The following FOXN3 variants were observed in gnomAD, a reference collection of about 807,000 sequenced individuals.
The protein encoded by FOXN3 is forkhead box N3.
A neutral mutation model predicts 38.4 loss-of-function variants in FOXN3; 7 were observed. The ratio of observed to expected loss-of-function variants is 0.18; its 90% CI spans 0.10 to 0.34. The LOEUF is 0.34. Ranked by LOEUF, FOXN3 falls within the 10% of genes least tolerant of loss-of-function variation. The pLI is 1.00. For synonymous variants in FOXN3, 230 were observed against 242.2 expected (o/e 0.95, Z 0.47); for missense variants, 456 against 613.4 (o/e 0.74, Z 2.71).
At chr14:89,524,000 A>G (rs1940883827) in intron 1 of FOXN3, among the ~76,000 whole-genome samples, 1 of 151,010 alleles carries the variant, frequency 6.6e-6, no homozygotes, top group Non-Finnish European at 1.5e-5. Flanking sequence ...TGACCTCGTG[A>G]TCCACCCACC....
At chr14:89,499,858 G>A (rs1021393721) in intron 1 of FOXN3, among the ~76,000 whole-genome samples, 5 of 152,150 alleles carry the variant, frequency 3.3e-5, no homozygotes, top group South Asian at 2.1e-4. Context: ...CAGCCTCCAC[G>A]GAAGGGGAGT....
chr14:89,313,271 G>A lies in FOXN3; in HGVS notation c.681-32257C>T, dbSNP rs1367757825. On this transcript the variant is annotated intron_variant, in intron 3 of 5. Coordinates refer to ENST00000557258, the MANE Select transcript of FOXN3 (RefSeq NM_005197.4). ...AAAAAAGAGTACTGTGTATCCATAT[G>A]AACTGACAAGACTGCCGGGCGCAGC... is the stretch of plus-strand genomic sequence containing the variant. 2.0e-5 allele frequency among the ~76,000 whole-genome samples: 3 copies of A among 152,174 alleles called. No individual in the cohort carries two copies. In the East Asian group the frequency reaches 5.8e-4, roughly 29 times the overall value.
At chr14:89,530,588 A>G (rs1263859326) in intron 1 of FOXN3, among the ~76,000 whole-genome samples, 1 of 152,046 alleles carries the variant, frequency 6.6e-6, no homozygotes, top group Non-Finnish European at 1.5e-5. Context: ...CCCTCTCTCC[A>G]TATGTATATA....
chr14:89,454,549 A>G (rs976914292), intron 1 of FOXN3, among the ~76,000 whole-genome samples: 50 of 151,282 alleles, frequency 3.3e-4, no homozygotes, highest in African/African-American at 1.2e-3. Context: ...CATTTGTAAC[A>G]GAGAAAAACT....
intron 3 of FOXN3, among the ~76,000 whole-genome samples, chr14:89,286,408 G>T (rs892851552): frequency 2.6e-5 from 4 of 152,158 alleles, no homozygotes; most frequent in African/African-American, 7.2e-5. Context: ...GGAAAAAGTG[G>T]GTGTAGCAAG....
intron 1 of FOXN3, among the ~76,000 whole-genome samples, chr14:89,454,885 C>T (rs1160966507): frequency 6.6e-6 from 1 of 152,214 alleles, no homozygotes; most frequent in Non-Finnish European, 1.5e-5. Flanking sequence ...ATCCTTATCT[C>T]ACCCTGGAGA....
chr14:89,288,812 T>A (rs950310758), intron 3 of FOXN3, among the ~76,000 whole-genome samples: 21 of 145,532 alleles, frequency 1.4e-4, no homozygotes, highest in Non-Finnish European at 3.0e-4. Context: ...ATTCATTAAA[T>A]GTCATCCAAG....
intron 1 of FOXN3, among the ~76,000 whole-genome samples, chr14:89,608,718 T>C (rs995192901): frequency 3.3e-5 from 5 of 152,190 alleles, no homozygotes; most frequent in South Asian, 2.1e-4. Context: ...TTGACATTCC[T>C]TCCCACATGC....
intron 3 of FOXN3, among the ~76,000 whole-genome samples, chr14:89,288,073 A>G (rs1029873639): frequency 1.1e-4 from 16 of 150,590 alleles, no homozygotes; most frequent in African/African-American, 3.7e-4. Context: ...AAAAAAATAT[A>G]TATATATATA....
upstream of FOXN3, chr14:89,419,241 CAT>C: frequency 2.2e-6 from 1 of 454,722 alleles, no homozygotes; most frequent in Non-Finnish European, 4.4e-6. Context: ...GCAGGGGACA[CAT>C]GTCTGCCTGT....
intron 4 of FOXN3, among the ~76,000 whole-genome samples, chr14:89,192,773 A>C (rs1887993077): frequency 6.8e-6 from 1 of 146,792 alleles, no homozygotes; most frequent in African/African-American, 2.5e-5. Context: ...ATATATTATT[A>C]GTTGAATTTT....
At chr14:89,200,387 C>T (rs950205522) in intron 4 of FOXN3, among the ~76,000 whole-genome samples, 8 of 152,170 alleles carry the variant, frequency 5.3e-5, no homozygotes, top group African/African-American at 1.9e-4. Flanking sequence ...GGAAAAGCTA[C>T]TGGAAGGTAA....
In FOXN3 at chr14:89,272,727, C is replaced by T. The variant is rs182182550; in HGVS notation, c.745+8223G>A. Reference sequence around the variant, plus strand: ...AATTAGCCGCGCATGGTGGCGCACGCCTGTAGTCCCAGCTACTCGGGAGGC... The same window carrying T: ...AATTAGCCGCGCATGGTGGCGCACGTCTGTAGTCCCAGCTACTCGGGAGGC... On this transcript the variant is annotated intron_variant, in intron 4 of 5. Coordinates refer to ENST00000557258, the MANE Select transcript of FOXN3 (RefSeq NM_005197.4). Among the ~76,000 whole-genome samples, 788 of 152,286 alleles carry T rather than the reference C, an allele frequency of 5.2e-3. 8 individuals carry two copies. The highest frequency in any genetic ancestry group is 6.5e-3 in the Non-Finnish European group (442 of 68,032).
chr14:89,196,902 T>C (rs1290907370), intron 4 of FOXN3, among the ~76,000 whole-genome samples: 2 of 152,220 alleles, frequency 1.3e-5, no homozygotes, highest in African/African-American at 4.8e-5. Flanking sequence ...CACACTGCGA[T>C]ATATACCTGC....
At chr14:89,601,099 A>G (rs938225079) in intron 1 of FOXN3, among the ~76,000 whole-genome samples, 5 of 152,214 alleles carry the variant, frequency 3.3e-5, no homozygotes, top group Non-Finnish European at 5.9e-5. Context: ...TGCCAGAGCC[A>G]AGCCCAGGGA....
At chr14:89,618,249 T>C (rs1030982283) in intron 1 of FOXN3, among the ~76,000 whole-genome samples, 3 of 152,116 alleles carry the variant, frequency 2.0e-5, no homozygotes, top group Admixed American at 2.0e-4. Flanking sequence ...CAATTGAAAC[T>C]AATAAATTAA....
intron 3 of FOXN3, among the ~76,000 whole-genome samples, chr14:89,300,128 G>C (rs1887171170): frequency 6.6e-6 from 1 of 150,426 alleles, no homozygotes; most frequent in Non-Finnish European, 1.5e-5. Flanking sequence ...AAAGGCAAAA[G>C]TCACTATGAC....
intron 3 of FOXN3, among the ~76,000 whole-genome samples, chr14:89,335,077 T>TCTCACACA (rs1404371582): frequency 1.6e-3 from 227 of 139,422 alleles, no homozygotes; most frequent in African/African-American, 5.4e-3. Flanking sequence ...TATTTTCATA[T>TCTCACACA]CACACACACA....
rs112803796 is a variant in FOXN3 at position 89,178,612 on chromosome 14, C to A, written c.851+2089G>T. ...AGTGGACTGCATGAGTGGCAACTTTCAACAGAAACAAGACTGTTTGCTGCA... is the reference window on the plus strand; with the variant it reads ...AGTGGACTGCATGAGTGGCAACTTTAAACAGAAACAAGACTGTTTGCTGCA... On this transcript the variant is annotated intron_variant, in intron 5 of 5. Coordinates refer to ENST00000557258, the MANE Select transcript of FOXN3 (RefSeq NM_005197.4). Among the ~76,000 whole-genome samples, 720 of 152,300 alleles carry A rather than the reference C, an allele frequency of 4.7e-3. 8 individuals carry two copies. The highest frequency in any genetic ancestry group is 0.016 in the African/African-American group (682 of 41,546).
Sources: gnomAD v4.1 joint callset for allele counts (sites outside exome capture counted in the v4.1 genomes callset) on GRCh38, gnomAD v4.1.1 for gene constraint, MANE v1.5 for transcripts, NCBI Gene and HGNC (gene_info 2026-07-23, HGNC 2026-07-21) for gene names.